Variants in CLNK observed in about 807,000 individuals in gnomAD.
CLNK encodes cytokine-dependent hematopoietic cell linker.
CLNK carries 74 observed loss-of-function variants against 68.6 expected under a neutral mutation model. That is an observed-to-expected ratio of 1.08 (90% CI 0.89 to 1.31). The LOEUF (loss-of-function observed/expected upper bound fraction) is 1.31. Among genes scored for constraint, CLNK ranks in the 50% most tolerant of loss-of-function variants. CLNK has a pLI of 0.00. For missense variants in CLNK, 553 were observed against 515.3 expected, an observed-to-expected ratio of 1.07 and a Z score of -0.71; for synonymous variants, 198 against 172.2, an observed-to-expected ratio of 1.15 and a Z score of -1.17.
At chr4:10,665,861 C>T (rs183373418) in intron 2 of CLNK, among the ~76,000 whole-genome samples, 6 of 152,234 alleles carry the variant, frequency 3.9e-5, no homozygotes, top group Admixed American at 3.9e-4. Context: ...ATATCCACAT[C>T]CAAATCTCCA....
intron 16 of CLNK, among the ~76,000 whole-genome samples, chr4:10,510,788 C>T (rs988164362): frequency 1.3e-5 from 2 of 152,194 alleles, no homozygotes; most frequent in African/African-American, 2.4e-5. Flanking sequence ...CTATTGATCC[C>T]AGGTCTTTAG....
chr4:10,610,530 T>A (rs1721974272), intron 2 of CLNK, among the ~76,000 whole-genome samples: 1 of 152,104 alleles, frequency 6.6e-6, no homozygotes. Flanking sequence ...AGGAAATAAA[T>A]GAACCTAGAC....
the CLNK span, among the ~76,000 whole-genome samples, chr4:10,701,644 C>T: frequency 6.6e-6 from 1 of 152,298 alleles, no homozygotes; most frequent in South Asian, 2.1e-4. Flanking sequence ...ACAGTGCTTG[C>T]CACACGCCAC....
At chr4:10,650,652 A>G (rs1301292597) in intron 2 of CLNK, among the ~76,000 whole-genome samples, 1 of 152,186 alleles carries the variant, frequency 6.6e-6, no homozygotes, top group Non-Finnish European at 1.5e-5. Flanking sequence ...TGAAGTTATC[A>G]TTGTAAGAAA....
chr4:10,636,426 G>A (rs1389967712), intron 2 of CLNK, among the ~76,000 whole-genome samples: 1 of 152,176 alleles, frequency 6.6e-6, no homozygotes, highest in Non-Finnish European at 1.5e-5. Context: ...GCAAATACTG[G>A]AAGATACGAG....
chr4:10,538,492 G>A (rs997153365), intron 11 of CLNK, among the ~76,000 whole-genome samples: 12 of 152,094 alleles, frequency 7.9e-5, no homozygotes, highest in African/African-American at 2.9e-4. Context: ...AGTCCTTTAC[G>A]TATTAGACTA....
At chr4:10,586,336 CTTTTT>C (rs5856064) in intron 3 of CLNK, among the ~76,000 whole-genome samples, 2 of 89,246 alleles carry the variant, frequency 2.2e-5, no homozygotes, top group Non-Finnish European at 4.7e-5. Flanking sequence ...CTTTTTTTTT[CTTTTT>C]TTTTTTTTTT....
intron 1 of CLNK, among the ~76,000 whole-genome samples, chr4:10,673,572 A>G (rs1724749651): frequency 6.6e-6 from 1 of 152,126 alleles, no homozygotes; most frequent in African/African-American, 2.4e-5. Context: ...GCAAGGACAG[A>G]AAACCAAACA....
At chr4:10,510,696 T>C (rs987077169) in intron 16 of CLNK, among the ~76,000 whole-genome samples, 7 of 152,204 alleles carry the variant, frequency 4.6e-5, no homozygotes, top group Non-Finnish European at 1.0e-4. Context: ...GAAGGCTTCA[T>C]CTGTACAATG....
chr4:10,646,205 C>T (rs550011984), intron 2 of CLNK, among the ~76,000 whole-genome samples: 1 of 152,218 alleles, frequency 6.6e-6, no homozygotes, highest in South Asian at 2.1e-4. Context: ...AAATATCACC[C>T]ATACTCTCAA....
At chr4:10,732,142 G>T in the CLNK span, among the ~76,000 whole-genome samples, 1 of 152,120 alleles carries the variant, frequency 6.6e-6, no homozygotes, top group Non-Finnish European at 1.5e-5. Context: ...AATGAGTTTT[G>T]CATATTTATT....
chr4:10,699,512 A>ATATATT, the CLNK span, among the ~76,000 whole-genome samples: 6 of 32,762 alleles, frequency 1.8e-4, no homozygotes, highest in Admixed American at 4.8e-4. Context: ...ATATATATAT[A>ATATATT]TTTTTTTTTT....
At chr4:10,605,817 A>C (rs1436346474) in intron 2 of CLNK, among the ~76,000 whole-genome samples, 1 of 82,996 alleles carries the variant, frequency 1.2e-5, no homozygotes, top group African/African-American at 4.4e-5. Flanking sequence ...ACAGAGCAAG[A>C]CTCTGTCCAA....
At chr4:10,495,040 A>G (rs963495853) in intron 18 of CLNK, among the ~76,000 whole-genome samples, 1 of 152,090 alleles carries the variant, frequency 6.6e-6, no homozygotes, top group African/African-American at 2.4e-5. Context: ...GAAAAGAGAA[A>G]GAGAGATAAA....
At chr4:10,592,114 C>A (rs1031910709) in intron 3 of CLNK, among the ~76,000 whole-genome samples, 18 of 152,188 alleles carry the variant, frequency 1.2e-4, no homozygotes, top group African/African-American at 4.1e-4. Flanking sequence ...TCGAATCATG[C>A]ATTTAGTAAA....
At chr4:10,631,832 C>G (rs1163786725) in intron 2 of CLNK, among the ~76,000 whole-genome samples, 6 of 152,218 alleles carry the variant, frequency 3.9e-5, no homozygotes, top group Admixed American at 3.9e-4. Flanking sequence ...CTCACACAGG[C>G]AAAAGGATTT....
Position 10,490,267 on chromosome 4 carries a change from T to C in CLNK, c.*200A>G, listed in dbSNP as rs1438680763. Reference sequence around the variant, plus strand: ...GGCCAGTTACTAGAATGTTTTTATTTTTTGCATGTTATAAATATTTTCTCT... The same window carrying C: ...GGCCAGTTACTAGAATGTTTTTATTCTTTGCATGTTATAAATATTTTCTCT... On this transcript the variant is annotated 3_prime_UTR_variant, in exon 19 of 19. Transcript: ENST00000226951. 2.2e-6 allele frequency: 1 copy of C among 458,134 alleles called. No individual in the cohort carries two copies. Among genetic ancestry groups the C allele is most frequent in the Non-Finnish European group, 3.8e-6 (1 of 266,212 alleles). 28.4% of individuals were successfully genotyped at this position (458,134 alleles called of 1,614,324 possible). A position where few individuals can be genotyped will look rare whatever the true frequency, so the allele number is the denominator to read the frequency against.
At chr4:10,496,696 TAAG>T (rs1716822806) in intron 18 of CLNK, among the ~76,000 whole-genome samples, 1 of 152,200 alleles carries the variant, frequency 6.6e-6, no homozygotes, top group Non-Finnish European at 1.5e-5. Context: ...GCAGGGAATC[TAAG>T]GACTTCCTAG....
intron 3 of CLNK, among the ~76,000 whole-genome samples, chr4:10,596,691 G>A (rs1335567780): frequency 2.0e-5 from 3 of 151,792 alleles, no homozygotes; most frequent in Non-Finnish European, 4.4e-5. Flanking sequence ...TTTAAATTTA[G>A]GTTTATAAAT....
Sources: allele counts gnomAD v4.1 joint callset (sites outside exome capture counted in the v4.1 genomes callset), GRCh38; gene constraint gnomAD v4.1.1; transcripts MANE v1.5; gene names NCBI Gene and HGNC (gene_info 2026-07-23, HGNC 2026-07-21).